GAD2: variants seen among roughly 807,000 people sequenced by gnomAD.
GAD2 encodes the protein 65 kDa glutamic acid decarboxylase.
GAD2 carries 22 observed loss-of-function variants against 80.1 expected under a neutral mutation model. The observed-to-expected ratio is 0.27, with a 90% CI of 0.20 to 0.39. The LOEUF (loss-of-function observed/expected upper bound fraction) is 0.39. GAD2 is among the 10% of genes least tolerant of loss of function. GAD2 has a pLI of 1.00. For synonymous variants in GAD2, 274 were observed against 256.9 expected (o/e 1.07, Z -0.64); for missense variants, 624 against 738.4 (o/e 0.85, Z 1.80).
At chr10:26,229,102 G>A (rs936734939) in intron 6 of GAD2, among the ~76,000 whole-genome samples, 1 of 152,024 alleles carries the variant, frequency 6.6e-6, no homozygotes. Flanking sequence ...GCTGAGGCAG[G>A]AGAATTGCTT....
chr10:26,242,160 G>T (rs935394853), intron 7 of GAD2, among the ~76,000 whole-genome samples: 2 of 152,016 alleles, frequency 1.3e-5, no homozygotes, highest in Non-Finnish European at 2.9e-5. Flanking sequence ...TAATTTTTTT[G>T]TATTTTTAGT....
In GAD2 at chr10:26,217,078, A is replaced by C. The variant is rs1844382109; in HGVS notation, c.76+193A>C. On this transcript the variant is annotated intron_variant, in intron 1 of 15. Transcript: ENST00000376261. This position sits in a 1 kb window ranked among gnomAD's most constrained non-coding sequence, Gnocchi z 4.9. ...CTACAGCCTCTTGTACCCTGGGAAGACGCCCAAATAGTCTCAGGCCCGTTC... is the reference window on the plus strand; with the variant it reads ...CTACAGCCTCTTGTACCCTGGGAAGCCGCCCAAATAGTCTCAGGCCCGTTC... Among the ~76,000 whole-genome samples the C allele has an allele frequency of 6.6e-6, 1 of 151,918 alleles. No individual in the cohort carries two copies. The highest frequency in any genetic ancestry group is 2.4e-5 in the African/African-American group (1 of 41,342).
chr10:26,279,810 T>C (rs7898671), intron 11 of GAD2, among the ~76,000 whole-genome samples: 2,417 of 152,304 alleles, frequency 0.016, 47 homozygotes, highest in African/African-American at 0.055. Flanking sequence ...TCCCCTGCTG[T>C]GGGAACCACA....
chr10:26,291,755 G>A (rs780995257), intron 13 of GAD2, among the ~76,000 whole-genome samples: 2 of 152,140 alleles, frequency 1.3e-5, no homozygotes, highest in Non-Finnish European at 2.9e-5. Context: ...TGTGTGTCCC[G>A]ATGTCAGTTA....
intron 4 of GAD2, among the ~76,000 whole-genome samples, chr10:26,219,708 C>G (rs1284933277): frequency 1.3e-5 from 2 of 152,174 alleles, no homozygotes; most frequent in African/African-American, 4.8e-5. Flanking sequence ...TAAAACTGAT[C>G]AGAAACAGGA....
At position 26,269,158 on chromosome 10, in the gene GAD2, T is replaced by C. The variant is rs370610319; in HGVS notation, c.960T>C (p.Leu320=). ...MIPSDLERRI[L]EAKQKGFVPF... is the part of the protein sequence containing the mutation. The stretch of plus-strand genomic sequence containing the variant: ...CATCTGATCTTGAAAGAAGGATTCT[T>C]GAAGCCAAACAGAAAGTAAGTTTCT... The change falls in exon 9 of 16, where the codon CTT becomes CTC. Residue 320 remains leucine, a synonymous_variant. Coordinates refer to ENST00000376261, the MANE Select transcript of GAD2 (RefSeq NM_001134366.2). 7 of 1,600,594 alleles carry C rather than the reference T, an allele frequency of 4.4e-6. No individual in the cohort carries two copies. In the African/African-American group the frequency reaches 9.4e-5, roughly 21 times the overall value.
At chr10:26,224,683 T>G in intron 6 of GAD2, 32 bp downstream of exon 6, 3 of 1,485,804 alleles carry the variant, frequency 2.0e-6, no homozygotes, top group Non-Finnish European at 2.8e-6. Context: ...TTTGTGTTTT[T>G]TCTTCTAATA....
At chr10:26,273,800 A>T (rs1202202238) in intron 11 of GAD2, 100 bp downstream of exon 11, 1 of 948,734 alleles carries the variant, frequency 1.1e-6, no homozygotes, top group Non-Finnish European at 1.7e-6. Context: ...TACTGAGTGA[A>T]CTCACTCTAT....
chr10:26,264,862 G>A (rs923121855), intron 8 of GAD2, among the ~76,000 whole-genome samples: 3 of 152,196 alleles, frequency 2.0e-5, no homozygotes, highest in South Asian at 2.1e-4. Flanking sequence ...ATAGAGCTAA[G>A]CCCTACTCAC....
In GAD2 at chr10:26,284,514, C is replaced by G. The variant is rs150216897; in HGVS notation, c.1237-1831C>G. On this transcript the variant is annotated intron_variant, in intron 12 of 15. Coordinates refer to ENST00000376261, the MANE Select transcript of GAD2 (RefSeq NM_001134366.2). Reference sequence around the variant, plus strand: ...CTAAGGCCTTCTGTAGGGAAAACAGCATCACTTTTGCTTGTCATGTTGTAC... The same window carrying G: ...CTAAGGCCTTCTGTAGGGAAAACAGGATCACTTTTGCTTGTCATGTTGTAC... Among the ~76,000 whole-genome samples, 62 of 150,550 alleles carry G rather than the reference C, an allele frequency of 4.1e-4. 1 individual carries two copies. Among genetic ancestry groups the G allele is most frequent in the African/African-American group, 1.3e-3 (55 of 40,936 alleles).
intron 6 of GAD2, among the ~76,000 whole-genome samples, chr10:26,228,524 C>A (rs1326787218): frequency 6.6e-6 from 1 of 152,148 alleles, no homozygotes; most frequent in Non-Finnish European, 1.5e-5. Context: ...TCCTTTATAA[C>A]AGGGGTCCCC....
At chr10:26,288,424 T>A (rs559468789) in intron 13 of GAD2, among the ~76,000 whole-genome samples, 2 of 152,280 alleles carry the variant, frequency 1.3e-5, no homozygotes, top group East Asian at 3.9e-4. Flanking sequence ...GCCCCCTTCC[T>A]CTTTTGAAAA....
rs57365924 is a variant in GAD2, at chr10:26,247,919, G to GAA, written c.920+1930_920+1931dup. ...TCAAAAAAAAAAAAAAAAAGGAAAA[G>GAA]AAAAAAAAAAAAGAAAGCTCTAAAA... On this transcript the variant is annotated intron_variant, in intron 8 of 15. Transcript: ENST00000376261. Among the ~76,000 whole-genome samples, 716 of 130,920 alleles carry GAA rather than the reference G, an allele frequency of 5.5e-3. 1 individual carries two copies. Among genetic ancestry groups the GAA allele is most frequent in the Non-Finnish European group, 8.3e-3 (535 of 64,416 alleles). 85.9% of individuals were successfully genotyped at this position (130,920 alleles called of 152,430 possible). A position where few individuals can be genotyped will look rare whatever the true frequency, so the allele number is the denominator to read the frequency against.
intron 8 of GAD2, among the ~76,000 whole-genome samples, chr10:26,246,376 A>G (rs977923325): frequency 6.6e-6 from 1 of 152,208 alleles, no homozygotes; most frequent in Admixed American, 6.5e-5. Context: ...TGGGGTGATT[A>G]CAGGAGGGGA....
intron 6 of GAD2, 148 bp downstream of exon 6, chr10:26,224,799 C>T (rs1463832142): frequency 6.5e-6 from 4 of 615,052 alleles, no homozygotes; most frequent in Non-Finnish European, 1.1e-5. Flanking sequence ...TGATTAAGTG[C>T]ACATGACCAT....
chr10:26,247,592 AT>A (rs1315032280), intron 8 of GAD2, among the ~76,000 whole-genome samples: 1 of 152,028 alleles, frequency 6.6e-6, no homozygotes, highest in Non-Finnish European at 1.5e-5. Context: ...CTCACGTGGA[AT>A]TCAGAAAGCT....
chr10:26,253,285 G>A (rs531795766), intron 8 of GAD2, among the ~76,000 whole-genome samples: 18 of 152,294 alleles, frequency 1.2e-4, no homozygotes, highest in Middle Eastern at 3.4e-3. Context: ...GATTTCATAA[G>A]TTACAGCTTG....
At chr10:26,224,125 G>T in intron 5 of GAD2, 148 bp downstream of exon 5, 1 of 588,030 alleles carries the variant, frequency 1.7e-6, no homozygotes. Context: ...TCACTTTAAT[G>T]TAACAGAAAG....
intron 15 of GAD2, among the ~76,000 whole-genome samples, chr10:26,295,304 T>C (rs1834261101): frequency 6.6e-6 from 1 of 152,188 alleles, no homozygotes; most frequent in Non-Finnish European, 1.5e-5. Context: ...GAATGAATTC[T>C]CCTGATTTTT....
Sources: gnomAD v4.1 joint callset for allele counts (sites outside exome capture counted in the v4.1 genomes callset) on GRCh38, gnomAD v4.1.1 for gene constraint, Gnocchi (gnomAD v3.1) non-coding constraint, MANE v1.5 for transcripts, NCBI Gene and HGNC (gene_info 2026-07-23, HGNC 2026-07-21) for gene names.